Variants in EYS observed in about 807,000 individuals in gnomAD.
The protein encoded by EYS is EGF-like photoreceptor maintenance factor.
EYS carries 250 observed loss-of-function variants against 282.1 expected under a neutral mutation model. That is an observed-to-expected ratio of 0.89 (90% CI 0.80 to 0.98). EYS has a LOEUF of 0.98. Among genes scored for constraint, EYS ranks in the 50% least tolerant of loss-of-function variants. The pLI, the probability that EYS is intolerant of heterozygous loss-of-function variation, is 0.00. For synonymous variants in EYS, 1,355 were observed against 1,282.9 expected (o/e 1.06, Z -1.20); for missense variants, 4,016 against 3,709.0 (o/e 1.08, Z -2.15).
intron 14 of EYS, among the ~76,000 whole-genome samples, chr6:64,974,701 C>T (rs932038467): frequency 6.6e-6 from 1 of 151,812 alleles, no homozygotes; most frequent in Non-Finnish European, 1.5e-5. Context: ...GTGGATACTT[C>T]TCTCTTAAGT....
intron 36 of EYS, among the ~76,000 whole-genome samples, chr6:63,825,993 A>C (rs1299837043): frequency 1.3e-5 from 2 of 152,230 alleles, no homozygotes; most frequent in Non-Finnish European, 2.9e-5. Flanking sequence ...AAATTCAAAA[A>C]ATGATACAAG....
chr6:65,581,303 G>A (rs1764860770), intron 2 of EYS, among the ~76,000 whole-genome samples: 1 of 152,060 alleles, frequency 6.6e-6, no homozygotes, highest in South Asian at 2.1e-4. Context: ...AAGTGATATG[G>A]AGGAGAGACA....
chr6:64,112,763 GATATATATCTAGAATA>G (rs1286351424), intron 31 of EYS, among the ~76,000 whole-genome samples: 2 of 147,580 alleles, frequency 1.4e-5, no homozygotes, highest in African/African-American at 5.0e-5. Flanking sequence ...ATCTAGAATA[GATATATATCTAGAATA>G]ATATATATCT....
chr6:64,536,783 A>C (rs1044601506), intron 26 of EYS, among the ~76,000 whole-genome samples: 1 of 151,260 alleles, frequency 6.6e-6, no homozygotes, highest in African/African-American at 2.4e-5. Flanking sequence ...TTAGTTGAAG[A>C]CCTGTACTTA....
chr6:64,758,556 T>A (rs78543929), intron 22 of EYS, among the ~76,000 whole-genome samples: 5,118 of 152,192 alleles, frequency 0.034, 135 homozygotes, highest in Non-Finnish European at 0.048. Context: ...CTACAATTAT[T>A]GTGCCTATAG....
intron 9 of EYS, among the ~76,000 whole-genome samples, chr6:65,351,663 A>C (rs1324615347): frequency 6.6e-6 from 1 of 151,830 alleles, no homozygotes; most frequent in African/African-American, 2.4e-5. Flanking sequence ...TATTCCTACT[A>C]TGAGATAAAG....
intron 30 of EYS, among the ~76,000 whole-genome samples, chr6:64,295,100 C>T (rs539579936): frequency 9.9e-5 from 15 of 151,616 alleles, no homozygotes; most frequent in African/African-American, 3.6e-4. Context: ...TCTGGCCGGG[C>T]ACGGTGGCTC....
chr6:64,580,636 T>TA (rs1207529829), intron 26 of EYS, among the ~76,000 whole-genome samples: 3 of 152,098 alleles, frequency 2.0e-5, no homozygotes, highest in African/African-American at 7.2e-5. Flanking sequence ...CCTTTTCTCA[T>TA]AAAAAAGAAT....
At chr6:64,283,812 A>C (rs962741607) in intron 30 of EYS, among the ~76,000 whole-genome samples, 1 of 152,118 alleles carries the variant, frequency 6.6e-6, no homozygotes, top group Non-Finnish European at 1.5e-5. Context: ...TGGCAAGAGA[A>C]AATAAGGAAG....
chr6:64,997,213 A>G (rs1216863206), intron 14 of EYS, among the ~76,000 whole-genome samples: 1 of 152,204 alleles, frequency 6.6e-6, no homozygotes, highest in African/African-American at 2.4e-5. Context: ...ATAATGAAAT[A>G]CATGTGTGAA....
At chr6:64,595,876 T>C (rs1396563868) in intron 24 of EYS, among the ~76,000 whole-genome samples, 2 of 152,162 alleles carry the variant, frequency 1.3e-5, no homozygotes, top group East Asian at 3.9e-4. Context: ...TGCATTGCTA[T>C]AAAGAAATAT....
intron 29 of EYS, among the ~76,000 whole-genome samples, chr6:64,353,902 T>G (rs1184266908): frequency 1.3e-5 from 2 of 151,584 alleles, no homozygotes; most frequent in Non-Finnish European, 3.0e-5. Flanking sequence ...ACATCTGTGC[T>G]GGGGCTGCCA....
At chr6:65,012,858 A>G (rs1048193659) in intron 13 of EYS, among the ~76,000 whole-genome samples, 3 of 92,068 alleles carry the variant, frequency 3.3e-5, no homozygotes, top group Non-Finnish European at 6.5e-5. Flanking sequence ...GAACATAAAA[A>G]TAAAAATTTC....
At chr6:65,047,097 CTTTT>C (rs1390228188) in intron 13 of EYS, among the ~76,000 whole-genome samples, 1 of 126,198 alleles carries the variant, frequency 7.9e-6, no homozygotes, top group African/African-American at 2.6e-5. Flanking sequence ...AATTAAACCT[CTTTT>C]TTTTTTTTTA....
At chr6:64,608,511 G>A (rs1300326286) in intron 24 of EYS, among the ~76,000 whole-genome samples, 1 of 152,196 alleles carries the variant, frequency 6.6e-6, no homozygotes, top group Non-Finnish European at 1.5e-5. Flanking sequence ...CAGTTGGGCA[G>A]TTTCTAAGTA....
chr6:64,411,663 T>A (rs1310093321), intron 28 of EYS, among the ~76,000 whole-genome samples: 1 of 151,978 alleles, frequency 6.6e-6, no homozygotes, highest in African/African-American at 2.4e-5. Context: ...GACAACATAG[T>A]GAGATCCTAC....
intron 33 of EYS, among the ~76,000 whole-genome samples, chr6:64,016,758 G>T (rs1768912270): frequency 6.6e-6 from 1 of 152,164 alleles, no homozygotes; most frequent in Admixed American, 6.5e-5. Context: ...TTACAGGTGT[G>T]AGCCACCATG....
chr6:64,117,330 C>A (rs116558740), intron 31 of EYS, among the ~76,000 whole-genome samples: 1 of 68,606 alleles, frequency 1.5e-5, no homozygotes, highest in Non-Finnish European at 3.0e-5. Flanking sequence ...GAGGAACAAC[C>A]CCCCCCCCAA....
chr6:64,108,793 C>G (rs1041685835), intron 31 of EYS, among the ~76,000 whole-genome samples: 1 of 151,978 alleles, frequency 6.6e-6, no homozygotes, highest in Non-Finnish European at 1.5e-5. Flanking sequence ...GTTATTGGAC[C>G]CCATCATCCC....
Sources: allele counts gnomAD v4.1 joint callset (sites outside exome capture counted in the v4.1 genomes callset), GRCh38; gene constraint gnomAD v4.1.1; transcripts MANE v1.5; gene names NCBI Gene and HGNC (gene_info 2026-07-23, HGNC 2026-07-21).